The following ZFP90 variants were observed in gnomAD, a reference collection of about 807,000 sequenced individuals.
The protein encoded by ZFP90 is zinc finger protein 90 homolog.
In ZFP90, 38 loss-of-function variants were observed where a neutral mutation model predicts 60.8. That is an observed-to-expected ratio of 0.62 (90% CI 0.48 to 0.82). The LOEUF (loss-of-function observed/expected upper bound fraction) is 0.82. ZFP90 is among the 40% of genes least tolerant of loss of function. The pLI is 0.00. For synonymous variants in ZFP90, 287 were observed against 264.8 expected, an observed-to-expected ratio of 1.08 and a Z score of -0.82; for missense variants, 711 against 759.1, an observed-to-expected ratio of 0.94 and a Z score of 0.74.
At chr16:68,569,045 CAATA>C (rs1567416210), downstream of ZFP90, among the ~76,000 whole-genome samples, 1 of 150,570 alleles carries the variant, frequency 6.6e-6, no homozygotes, top group East Asian at 2.0e-4. Context: ...TCTGGCGAAA[CAATA>C]AAGAAGAGCC....
chr16:68,544,747 C>T (rs1276547920), intron 2 of ZFP90, among the ~76,000 whole-genome samples: 1 of 152,120 alleles, frequency 6.6e-6, no homozygotes, highest in African/African-American at 2.4e-5. Flanking sequence ...CAGAGGTTCC[C>T]CTTCTCAGCT....
rs2091508090 is a variant in ZFP90 at position 68,565,333 on chromosome 16, CAG to C, written c.*638_*639del. On this transcript the variant is annotated 3_prime_UTR_variant, in exon 5 of 5. Transcript: ENST00000563169. Reference sequence around the variant, plus strand: ...CCAGTGAAAAGGTTATTTTTGGACTCAGAGGGCTTTAAAATAAATTTTAAGAT... The same window carrying C: ...CCAGTGAAAAGGTTATTTTTGGACTCAGGGCTTTAAAATAAATTTTAAGAT... 4.1e-6 allele frequency: 4 copies of C among 985,416 alleles called. No individual in the cohort carries two copies. Among genetic ancestry groups the C allele is most frequent in the Non-Finnish European group, 4.8e-6 (4 of 829,952 alleles). The allele number at this position is 985,416 out of a possible 1,614,324, so 61.0% of individuals were successfully genotyped here. A position where few individuals can be genotyped will look rare whatever the true frequency, so the allele number is the denominator to read the frequency against.
At position 68,566,155 on chromosome 16, in the gene ZFP90, A is replaced by G. The variant is rs954832383; in HGVS notation, c.*1457A>G. 8.1e-6 allele frequency: 8 copies of G among 985,464 alleles called. No individual in the cohort carries two copies. Among genetic ancestry groups the G allele is most frequent in the Non-Finnish European group, 9.6e-6 (8 of 829,948 alleles). 61.0% of individuals were successfully genotyped at this position (985,464 alleles called of 1,614,324 possible). The stretch of plus-strand genomic sequence containing the variant: ...CACATCAATTTATTTTAGTTGTATA[A>G]TGCTTTTCTATTAGTAAAGCATCAG... On this transcript the variant is annotated 3_prime_UTR_variant, in exon 5 of 5. Transcript: ENST00000563169.
intron 2 of ZFP90, chr16:68,573,996 A>T (rs1221148173): frequency 1.0e-5 from 1 of 100,324 alleles, no homozygotes. Flanking sequence ...GCCTTTCTCC[A>T]GGTTTCCTGC....
upstream of ZFP90, chr16:68,535,752 C>G (rs1254181729): frequency 6.6e-6 from 1 of 152,104 alleles, no homozygotes; most frequent in Non-Finnish European, 1.5e-5. Flanking sequence ...CTGCCTACTA[C>G]TCTCTAAGTT....
At position 68,563,287 on chromosome 16, in the gene ZFP90, A is replaced by G. The variant is rs1323109319; in HGVS notation, c.500A>G (p.Asn167Ser). The G allele has an allele frequency of 1.2e-6, 2 of 1,614,086 alleles. No homozygotes were observed. Among genetic ancestry groups the G allele is most frequent in the South Asian group, 2.2e-5 (2 of 91,064 alleles). ...QNKFGENSRL[N>S]TNLVTQLNIP... ...AAATTTGGTGAAAATTCTAGATTGA[A>G]CACCAATTTGGTTACACAACTGAAC... The change falls in exon 5 of 5, where the codon AAC (asparagine) becomes AGC (serine). Residue 167 changes from asparagine (N) to serine (S), a missense_variant. Coordinates refer to ENST00000563169, the MANE Select transcript of ZFP90 (RefSeq NM_001305203.2).
chr16:68,560,335 C>T (rs928933190), intron 4 of ZFP90, among the ~76,000 whole-genome samples: 27 of 152,250 alleles, frequency 1.8e-4, no homozygotes, highest in African/African-American at 6.5e-4. Flanking sequence ...ATTTCTATTT[C>T]TATGGATTTG....
In ZFP90 at chr16:68,544,296, C is replaced by T. The variant is rs1333395722; in HGVS notation, c.33+4471C>T. Among the ~76,000 whole-genome samples the T allele has an allele frequency of 2.0e-5, 3 of 152,184 alleles. No individual in the cohort carries two copies. The East Asian group carries it at 5.8e-4, about 29-fold the overall frequency. On this transcript the variant is annotated intron_variant, in intron 2 of 4. Transcript: ENST00000563169. ...GTGGTGGCACACACACCTATAGTCCCAGCCACTTGGGAGGCTGAGGTGAGA... is the reference window on the plus strand; with the variant it reads ...GTGGTGGCACACACACCTATAGTCCTAGCCACTTGGGAGGCTGAGGTGAGA...
intron 4 of ZFP90, 104 bp downstream of exon 4, chr16:68,558,672 C>A: frequency 2.0e-6 from 2 of 988,582 alleles, no homozygotes; most frequent in Non-Finnish European, 1.5e-6. Context: ...CCTAGATCTG[C>A]ATAGGAGGCT....
intron 4 of ZFP90, among the ~76,000 whole-genome samples, chr16:68,560,510 A>G (rs1357414108): frequency 6.6e-6 from 1 of 151,554 alleles, no homozygotes; most frequent in Non-Finnish European, 1.5e-5. Flanking sequence ...ACATTTTGTT[A>G]TTCATCAGTT....
intron 2 of ZFP90, among the ~76,000 whole-genome samples, chr16:68,551,847 C>T (rs1489709703): frequency 6.6e-6 from 1 of 152,114 alleles, no homozygotes; most frequent in Non-Finnish European, 1.5e-5. Flanking sequence ...CAAGCTCCGC[C>T]TCCCAGGTTC....
At chr16:68,553,329 G>T (rs1406183221) in intron 2 of ZFP90, among the ~76,000 whole-genome samples, 1 of 152,156 alleles carries the variant, frequency 6.6e-6, no homozygotes, top group Non-Finnish European at 1.5e-5. Context: ...AGTGAGTGGG[G>T]AGCCACGGGC....
Position 68,564,682 on chromosome 16 carries a change from C to T in ZFP90, c.1895C>T (p.Thr632Ile). The change falls in exon 5 of 5, where the codon ACT becomes ATT. Residue 632 changes from threonine (T) to isoleucine (I), a missense_variant. Physicochemically the swap from Thr to Ile is moderately conservative, Grantham distance 89 (BLOSUM62 -1). Around this residue, in one of 5 missense-constraint regions of ZFP90, gnomAD observed 295 missense variants for 274.0 expected, o/e 1.08. Coordinates refer to ENST00000563169, the MANE Select transcript of ZFP90 (RefSeq NM_001305203.2). ...SALTKHQRIH[T>I]RNKL The stretch of plus-strand genomic sequence containing the variant: ...CTTACTAAACACCAGAGAATTCATA[C>T]TCGAAATAAACTCTAGGAACCGTGA... 1.2e-6 allele frequency: 2 copies of T among 1,607,598 alleles called. No individual in the cohort carries two copies. Among genetic ancestry groups the T allele is most frequent in the Non-Finnish European group, 1.7e-6 (2 of 1,178,064 alleles).
Position 68,563,363 on chromosome 16 carries a change from G to A in ZFP90, c.576G>A (p.Leu192=), listed in dbSNP as rs769597578. The change falls in exon 5 of 5, where the codon TTG becomes TTA. Residue 192 remains leucine, a synonymous_variant. Transcript: ENST00000563169. ...AATGTGAGACCCTTGGAAGCAATTTGGGACATAATGCAGACTTACTTAATG... is the reference window on the plus strand; with the variant it reads ...AATGTGAGACCCTTGGAAGCAATTTAGGACATAATGCAGACTTACTTAATG... ...PSECETLGSN[L]GHNADLLNEN... The A allele has an allele frequency of 1.2e-6, 2 of 1,614,142 alleles. No homozygotes were observed. The highest frequency in any genetic ancestry group is 4.5e-5 in the East Asian group (2 of 44,886).
At chr16:68,542,559 C>T (rs1159014247) in intron 2 of ZFP90, among the ~76,000 whole-genome samples, 1 of 152,050 alleles carries the variant, frequency 6.6e-6, no homozygotes, top group Non-Finnish European at 1.5e-5. Flanking sequence ...CCACTGCACT[C>T]CAGCCTGGGT....
At chr16:68,534,396 T>C (rs1415586170), upstream of ZFP90, among the ~76,000 whole-genome samples, 2 of 150,870 alleles carry the variant, frequency 1.3e-5, no homozygotes, top group Non-Finnish European at 3.0e-5. Context: ...ACCCGGCCAA[T>C]GTTTTGTATT....
At chr16:68,557,367 C>T (rs1313571341) in intron 2 of ZFP90, 8 of 437,220 alleles carry the variant, frequency 1.8e-5, no homozygotes, top group South Asian at 4.9e-5. Context: ...TCAGTGGGTA[C>T]CTGTGATACA....
chr16:68,563,005 G>A, intron 4 of ZFP90, 39 bp from the exon 5 acceptor site: 1 of 1,611,406 alleles, frequency 6.2e-7, no homozygotes. Context: ...ATTTCAACAG[G>A]AAGGAATAGG....
At chr16:68,555,428 T>G (rs908241281) in intron 2 of ZFP90, among the ~76,000 whole-genome samples, 4 of 152,156 alleles carry the variant, frequency 2.6e-5, no homozygotes, top group African/African-American at 9.7e-5. Context: ...GGAGCCAGTA[T>G]GGTGTGTGGA....
Sources: gnomAD v4.1 joint callset for allele counts (sites outside exome capture counted in the v4.1 genomes callset) on GRCh38, gnomAD v4.1.1 for gene constraint, gnomAD v4.1.1 regional missense constraint, MANE v1.5 for transcripts, NCBI Gene and HGNC (gene_info 2026-07-23, HGNC 2026-07-21) for gene names.